The following BICD1 variants were observed in gnomAD, a reference collection of about 807,000 sequenced individuals.
BICD1 encodes protein bicaudal D homolog 1.
BICD1 carries 35 observed loss-of-function variants against 92.5 expected under a neutral mutation model. That is an observed-to-expected ratio of 0.38 (90% CI 0.29 to 0.50). BICD1 has a LOEUF of 0.50. BICD1 is among the 20% of genes least tolerant of loss of function. The pLI is 0.93. For missense variants in BICD1, 950 were observed against 1,189.8 expected (o/e 0.80, Z 2.97); for synonymous variants, 429 against 465.1 (o/e 0.92, Z 1.00).
intron 1 of BICD1, among the ~76,000 whole-genome samples, chr12:32,130,952 C>T (rs538627843): frequency 6.6e-6 from 1 of 152,174 alleles, no homozygotes; most frequent in South Asian, 2.1e-4. Flanking sequence ...ATTCTCCTGC[C>T]TTAGCCTCTC....
At chr12:32,346,551 T>C (rs1215680371) in intron 8 of BICD1, among the ~76,000 whole-genome samples, 5 of 28,348 alleles carry the variant, frequency 1.8e-4, no homozygotes, top group African/African-American at 1.3e-3. Context: ...TATATATATA[T>C]ATATATATAT....
At position 32,142,453 on chromosome 12, in the gene BICD1, CCTATCTATCTAT is replaced by C. The variant is rs71065001; in HGVS notation, c.213+34934_213+34945del. Among the ~76,000 whole-genome samples, 637 of 112,892 alleles carry C rather than the reference CCTATCTATCTAT, an allele frequency of 5.6e-3. 3 individuals carry two copies. The highest frequency in any genetic ancestry group is 0.032 in the Middle Eastern group (8 of 250). The allele number at this position is 112,892 out of a possible 152,430, so 74.1% of individuals were successfully genotyped here. A position where few individuals can be genotyped will look rare whatever the true frequency, so the allele number is the denominator to read the frequency against. On this transcript the variant is annotated intron_variant, in intron 1 of 9. Coordinates refer to ENST00000652176, the MANE Select transcript of BICD1 (RefSeq NM_001714.4). ...AAAACAAAAAACCCCACCTATCTAT[CCTATCTATCTAT>C]CTATCTATCTATCTATCTATCTATT...
intron 1 of BICD1, among the ~76,000 whole-genome samples, chr12:32,184,722 T>C (rs1151028): frequency 0.9 from 136,853 of 152,248 alleles, 62,227 homozygotes; most frequent in East Asian, 1. Context: ...AAAAGGTGGA[T>C]GAATTACAAC....
At chr12:32,115,971 T>C (rs1317035895) in intron 1 of BICD1, among the ~76,000 whole-genome samples, 1 of 152,180 alleles carries the variant, frequency 6.6e-6, no homozygotes, top group Middle Eastern at 3.4e-3. Flanking sequence ...AGTTTTGAAA[T>C]AGTTAGGATC....
At chr12:32,119,409 A>G (rs1244019638) in intron 1 of BICD1, among the ~76,000 whole-genome samples, 2 of 152,124 alleles carry the variant, frequency 1.3e-5, no homozygotes, top group Admixed American at 6.5e-5. Flanking sequence ...TTATAAAACT[A>G]CTGCTGCCTG....
chr12:32,171,793 G>T (rs1422562026), intron 1 of BICD1, among the ~76,000 whole-genome samples: 1 of 152,032 alleles, frequency 6.6e-6, no homozygotes, highest in African/African-American at 2.4e-5. Flanking sequence ...AATTAGCTGG[G>T]CATGGTGGCG....
At chr12:32,364,344 C>G (rs950880102) in intron 8 of BICD1, among the ~76,000 whole-genome samples, 3 of 152,172 alleles carry the variant, frequency 2.0e-5, no homozygotes, top group African/African-American at 7.2e-5. Context: ...AGATCCTAGA[C>G]GGAGCAGGGG....
At chr12:32,132,416 A>C (rs79413752) in intron 1 of BICD1, among the ~76,000 whole-genome samples, 1 of 33,140 alleles carries the variant, frequency 3.0e-5, no homozygotes, top group African/African-American at 5.1e-5. Flanking sequence ...ACTCTGTCTC[A>C]AAAAAAAAAA....
intron 8 of BICD1, among the ~76,000 whole-genome samples, chr12:32,343,551 T>TAA (rs1938461503): frequency 6.6e-6 from 1 of 152,166 alleles, no homozygotes; most frequent in South Asian, 2.1e-4. Flanking sequence ...AATCTGGAAG[T>TAA]AATAGCCTAA....
intron 2 of BICD1, among the ~76,000 whole-genome samples, chr12:32,267,784 T>C (rs898151958): frequency 2.2e-4 from 33 of 152,314 alleles, no homozygotes; most frequent in African/African-American, 7.9e-4. Flanking sequence ...CTATTTTGTT[T>C]CATTGTCTGA....
intron 3 of BICD1, among the ~76,000 whole-genome samples, chr12:32,300,224 C>A (rs367568358): frequency 2.2e-4 from 33 of 152,158 alleles, no homozygotes; most frequent in African/African-American, 7.5e-4. Flanking sequence ...GCCTCAGCCT[C>A]CCAAGTAGCT....
intron 2 of BICD1, among the ~76,000 whole-genome samples, chr12:32,286,606 A>G (rs887171831): frequency 1.3e-5 from 2 of 152,208 alleles, no homozygotes; most frequent in African/African-American, 4.8e-5. Context: ...TATATTAGAG[A>G]AGAATAACAA....
At chr12:32,364,142 A>T (rs932386745) in intron 8 of BICD1, among the ~76,000 whole-genome samples, 2 of 152,194 alleles carry the variant, frequency 1.3e-5, no homozygotes, top group Non-Finnish European at 2.9e-5. Flanking sequence ...TGCCTAACAC[A>T]GTTTCTGACA....
chr12:32,173,325 C>G (rs146244034), intron 1 of BICD1, among the ~76,000 whole-genome samples: 1 of 152,300 alleles, frequency 6.6e-6, no homozygotes, highest in African/African-American at 2.4e-5. Flanking sequence ...GCCGGGATTA[C>G]AGGCCTGAGC....
intron 2 of BICD1, among the ~76,000 whole-genome samples, chr12:32,265,265 T>C (rs2136134463): frequency 6.6e-6 from 1 of 152,230 alleles, no homozygotes; most frequent in Middle Eastern, 3.4e-3. Flanking sequence ...CTTCGTTCAG[T>C]TCTCTAATTG....
chr12:32,366,176 T>C (rs553152663), intron 8 of BICD1, among the ~76,000 whole-genome samples: 2 of 152,388 alleles, frequency 1.3e-5, no homozygotes, highest in African/African-American at 4.8e-5. Flanking sequence ...TTTTAAATTC[T>C]GGAGTTATGT....
intron 2 of BICD1, among the ~76,000 whole-genome samples, chr12:32,252,355 A>T (rs1946590603): frequency 6.6e-6 from 1 of 151,444 alleles, no homozygotes; most frequent in Non-Finnish European, 1.5e-5. Flanking sequence ...TTCACATCAA[A>T]GATGTGACTT....
At chr12:32,116,589 A>C (rs1941925144) in intron 1 of BICD1, among the ~76,000 whole-genome samples, 1 of 151,402 alleles carries the variant, frequency 6.6e-6, no homozygotes, top group African/African-American at 2.4e-5. Flanking sequence ...GTGCGATTAC[A>C]GCCCACTGCA....
intron 2 of BICD1, among the ~76,000 whole-genome samples, chr12:32,252,913 C>A (rs1946605765): frequency 6.6e-6 from 1 of 152,112 alleles, no homozygotes; most frequent in Non-Finnish European, 1.5e-5. Context: ...ACTCTGTCAT[C>A]CCGGCTGGAG....
Sources: gnomAD v4.1 joint callset for allele counts (sites outside exome capture counted in the v4.1 genomes callset) on GRCh38, gnomAD v4.1.1 for gene constraint, MANE v1.5 for transcripts, NCBI Gene and HGNC (gene_info 2026-07-23, HGNC 2026-07-21) for gene names.